MTPN: variants seen among roughly 807,000 people sequenced by gnomAD.
MTPN encodes granule cell differentiation protein.
Under a neutral mutation model 13.5 loss-of-function variants are expected in MTPN, and 2 were observed. The ratio of observed to expected loss-of-function variants is 0.15; its 90% CI spans 0.06 to 0.47. MTPN has a LOEUF of 0.47. MTPN is among the 20% of genes least tolerant of loss of function. The pLI is 0.97. For synonymous variants in MTPN, 46 were observed against 51.7 expected, an observed-to-expected ratio of 0.89 and a Z score of 0.48; for missense variants, 79 against 137.9, an observed-to-expected ratio of 0.57 and a Z score of 2.14.
intron 3 of MTPN, among the ~76,000 whole-genome samples, chr7:135,934,182 C>T (rs1799076984): frequency 2.0e-5 from 3 of 152,164 alleles, no homozygotes; most frequent in Admixed American, 2.0e-4. Flanking sequence ...AGGTAAATTG[C>T]TACCACAGAG....
chr7:135,933,050 G>A (rs950314412), intron 3 of MTPN, among the ~76,000 whole-genome samples: 10 of 141,732 alleles, frequency 7.1e-5, no homozygotes, highest in African/African-American at 2.6e-4. Flanking sequence ...AGATGAGATC[G>A]TGATGCTGCA....
At chr7:135,949,028 G>A (rs1170729674) in intron 3 of MTPN, among the ~76,000 whole-genome samples, 7 of 152,154 alleles carry the variant, frequency 4.6e-5, no homozygotes, top group Admixed American at 6.5e-5. Context: ...TGCTGAGGAA[G>A]AGACCTGGGA....
intron 3 of MTPN, among the ~76,000 whole-genome samples, chr7:135,950,087 G>T (rs1258563938): frequency 6.6e-6 from 1 of 152,042 alleles, no homozygotes; most frequent in Non-Finnish European, 1.5e-5. Context: ...TAATAGCAAA[G>T]ACAAAAAAGG....
chr7:135,962,401 A>G (rs1263322367), intron 1 of MTPN, among the ~76,000 whole-genome samples: 1 of 152,030 alleles, frequency 6.6e-6, no homozygotes, highest in Non-Finnish European at 1.5e-5. Context: ...GCAAAGAAGG[A>G]CTCAATACTA....
intron 1 of MTPN, 118 bp downstream of exon 1, chr7:135,976,911 C>G (rs1284229186): frequency 1.0e-6 from 1 of 958,380 alleles, no homozygotes; most frequent in Non-Finnish European, 1.6e-6. Context: ...GCCGCCTCCA[C>G]CCAGGAAGTC....
intron 3 of MTPN, among the ~76,000 whole-genome samples, chr7:135,934,908 T>C (rs547612880): frequency 6.6e-6 from 1 of 152,306 alleles, no homozygotes; most frequent in South Asian, 2.1e-4. Flanking sequence ...CTCAACGTGC[T>C]CTTCCTAATC....
At chr7:135,944,081 T>C (rs1201968090) in intron 3 of MTPN, among the ~76,000 whole-genome samples, 1 of 152,180 alleles carries the variant, frequency 6.6e-6, no homozygotes, top group African/African-American at 2.4e-5. Flanking sequence ...GTATATACCA[T>C]GTAAGGCATG....
At chr7:135,956,685 G>A (rs373847930) in intron 1 of MTPN, among the ~76,000 whole-genome samples, 3 of 148,780 alleles carry the variant, frequency 2.0e-5, no homozygotes, top group African/African-American at 4.9e-5. Flanking sequence ...TCTGTATATC[G>A]TCCCTTCTTT....
intron 2 of MTPN, among the ~76,000 whole-genome samples, chr7:135,950,887 T>C (rs1799355184): frequency 6.6e-6 from 1 of 152,132 alleles, no homozygotes. Context: ...GGAGTCATAG[T>C]AGTAGAGCAT....
rs539876201 is a variant in MTPN at position 135,935,758 on chromosome 7, C to T, written c.271-5746G>A. On this transcript the variant is annotated intron_variant, in intron 3 of 3. Coordinates refer to ENST00000393085, the MANE Select transcript of MTPN (RefSeq NM_145808.4). ...TCCTTTCTACCTGACTGTGTGGCTA[C>T]GCCAAACAACGTACTGTACTCTAAT... is the stretch of plus-strand genomic sequence containing the variant. 3.9e-5 allele frequency among the ~76,000 whole-genome samples: 6 copies of T among 152,278 alleles called. No individual in the cohort carries two copies. In the South Asian group the frequency reaches 6.2e-4, roughly 16 times the overall value.
intron 3 of MTPN, among the ~76,000 whole-genome samples, chr7:135,939,615 TG>T (rs1289779924): frequency 8.5e-5 from 6 of 70,564 alleles, no homozygotes; most frequent in Non-Finnish European, 1.8e-4. Flanking sequence ...GTGCCCAGTG[TG>T]GGATATCAAC....
At chr7:135,943,209 T>A (rs1799240616) in intron 3 of MTPN, among the ~76,000 whole-genome samples, 1 of 152,208 alleles carries the variant, frequency 6.6e-6, no homozygotes, top group Non-Finnish European at 1.5e-5. Context: ...CTGAAGCTAT[T>A]CAGATTTTAT....
chr7:135,950,944 A>G (rs543077062), intron 2 of MTPN, among the ~76,000 whole-genome samples: 2 of 152,200 alleles, frequency 1.3e-5, no homozygotes, highest in African/African-American at 4.8e-5. Context: ...TCTGCCACTT[A>G]CTATGGTACT....
intron 3 of MTPN, among the ~76,000 whole-genome samples, chr7:135,941,434 A>G (rs1470942475): frequency 3.4e-5 from 5 of 148,586 alleles, no homozygotes; most frequent in African/African-American, 1.0e-4. Context: ...TAATTTACCA[A>G]GTGGGTTAAG....
rs1562926787 is a variant in MTPN at position 135,927,922 on chromosome 7, C to A, written c.*2004G>T. ...TGCAATAGCCAACTACAACAAAACA[C>A]TTTGAAAGTAAAGGTGAAAATTATA... On this transcript the variant is annotated 3_prime_UTR_variant, in exon 4 of 4. Coordinates refer to ENST00000393085, the MANE Select transcript of MTPN (RefSeq NM_145808.4). 3 of 290,040 alleles carry A rather than the reference C, an allele frequency of 1.0e-5. No homozygotes were observed. The highest frequency in any genetic ancestry group is 6.8e-5 in the South Asian group (2 of 29,516). The allele number at this position is 290,040 out of a possible 1,614,324, so 18.0% of individuals were successfully genotyped here.
At chr7:135,969,145 G>A (rs1034618336) in intron 1 of MTPN, among the ~76,000 whole-genome samples, 1 of 140,144 alleles carries the variant, frequency 7.1e-6, no homozygotes, top group Admixed American at 7.4e-5. Flanking sequence ...GCTAGATGAC[G>A]AGTTAGTGGG....
intron 1 of MTPN, among the ~76,000 whole-genome samples, chr7:135,957,876 T>C (rs987203264): frequency 1.3e-5 from 2 of 152,076 alleles, no homozygotes; most frequent in African/African-American, 4.8e-5. Flanking sequence ...CTCCCCTTCA[T>C]TTTCTGCCAT....
rs1420248118 is a variant in MTPN, at chr7:135,929,191, T to C, written c.*735A>G. The C allele has an allele frequency of 6.0e-6, 1 of 166,952 alleles. No homozygotes were observed. The highest frequency in any genetic ancestry group is 1.5e-5 in the Non-Finnish European group (1 of 68,096). 10.3% of individuals were successfully genotyped at this position (166,952 alleles called of 1,614,324 possible). ...TGTATGAATCTAGAGGAGAAAAAAA[T>C]ATGCATACTGGAATGGTTTCTCCTT... On this transcript the variant is annotated 3_prime_UTR_variant, in exon 4 of 4. Coordinates refer to ENST00000393085, the MANE Select transcript of MTPN (RefSeq NM_145808.4).
chr7:135,972,969 C>T (rs1471940), intron 1 of MTPN, among the ~76,000 whole-genome samples: 78,795 of 151,148 alleles, frequency 0.52, 20,732 homozygotes, highest in East Asian at 0.6. Flanking sequence ...AACAGGATGG[C>T]AGGGTCTGGA....
Sources: gnomAD v4.1 joint callset for allele counts (sites outside exome capture counted in the v4.1 genomes callset) on GRCh38, gnomAD v4.1.1 for gene constraint, MANE v1.5 for transcripts, NCBI Gene and HGNC (gene_info 2026-07-23, HGNC 2026-07-21) for gene names.